Variants in PLB1 observed in about 807,000 individuals in gnomAD.
The protein encoded by PLB1 is phospholipase B1.
Under a neutral mutation model 227.4 loss-of-function variants are expected in PLB1, and 242 were observed. The observed-to-expected ratio is 1.06, with a 90% CI of 0.96 to 1.18. The LOEUF (loss-of-function observed/expected upper bound fraction) is 1.18. Ranked by LOEUF, PLB1 falls within the 50% of genes most tolerant of loss-of-function variation. The pLI, the probability that PLB1 is intolerant of heterozygous loss-of-function variation, is 0.00. For missense variants in PLB1, 1,858 were observed against 1,816.3 expected (o/e 1.02, Z -0.42); for synonymous variants, 757 against 682.2 (o/e 1.11, Z -1.71).
Position 28,556,312 on chromosome 2 carries a change from G to A in PLB1, c.1147+3321G>A, listed in dbSNP as rs141617552. ...ACAGGCCATGGCCCTGGCAACTTGG[G>A]TGCCTCATTCTGAGTACACTTCAGA... On this transcript the variant is annotated intron_variant, in intron 17 of 57. Transcript: ENST00000327757. 6.0e-3 allele frequency among the ~76,000 whole-genome samples: 921 copies of A among 152,260 alleles called. 17 individuals carry two copies. The highest frequency in any genetic ancestry group is 0.014 in the Middle Eastern group (4 of 294).
chr2:28,620,222 C>A, intron 46 of PLB1, 43 bp from the exon 47 acceptor site: 1 of 1,448,694 alleles, frequency 6.9e-7, no homozygotes, highest in Non-Finnish European at 9.4e-7. Context: ...CCAGTGCCCT[C>A]AGCCTATACC....
At chr2:28,593,787 C>T (rs758534436) in intron 33 of PLB1, 33 bp downstream of exon 33, 27 of 1,574,972 alleles carry the variant, frequency 1.7e-5, no homozygotes, top group South Asian at 2.2e-5. Context: ...CCCAGCGTTC[C>T]CCCCACAACA....
chr2:28,600,678 T>C, intron 35 of PLB1, 131 bp from the exon 36 acceptor site: 1 of 792,330 alleles, frequency 1.3e-6, no homozygotes, highest in Non-Finnish European at 2.1e-6. Flanking sequence ...ACTCCTGGTT[T>C]CTGAGCCTCG....
rs1688489140 is a variant in PLB1 at position 28,630,663 on chromosome 2, A to G, written c.3896A>G (p.Gln1299Arg). ...QELKKVNWNL[Q>R]HGISSFSYWH... ...CTGAAGAAAGTGAACTGGAACCTCC[A>G]GGTAAGCCCTGCAGCCCTTCTCTTA... The change falls in exon 54 of 58, where the codon CAG (glutamine) becomes CGG (arginine). Residue 1299 changes from glutamine to arginine, a missense_variant and splice_region_variant. Coordinates refer to ENST00000327757, the MANE Select transcript of PLB1 (RefSeq NM_153021.5). The G allele has an allele frequency of 1.2e-6, 2 of 1,610,632 alleles. No individual in the cohort carries two copies. Among genetic ancestry groups the G allele is most frequent in the Non-Finnish European group, 1.7e-6 (2 of 1,178,372 alleles).
chr2:28,540,325 C>T (rs1165600080), intron 11 of PLB1, 41 bp from the exon 12 acceptor site: 2 of 1,574,010 alleles, frequency 1.3e-6, no homozygotes, highest in African/African-American at 1.3e-5. Context: ...CCTGCCCACA[C>T]TGCCTCCCCT....
At chr2:28,523,964 C>T (rs1273117178) in intron 4 of PLB1, among the ~76,000 whole-genome samples, 1 of 152,190 alleles carries the variant, frequency 6.6e-6, no homozygotes, top group African/African-American at 2.4e-5. Flanking sequence ...TGACTTGTAT[C>T]TTAGTGTGAT....
chr2:28,538,540 G>T (rs1672022467), intron 10 of PLB1, among the ~76,000 whole-genome samples, 159 bp downstream of exon 10: 1 of 152,150 alleles, frequency 6.6e-6, no homozygotes, highest in South Asian at 2.1e-4. Context: ...TTTCAAATGA[G>T]AACATGGGCC....
intron 34 of PLB1, 67 bp from the exon 35 acceptor site, chr2:28,598,585 A>T: frequency 7.8e-7 from 1 of 1,280,258 alleles, no homozygotes; most frequent in Non-Finnish European, 1.1e-6. Flanking sequence ...TAGGTCCCAC[A>T]GTACCAGAGA....
chr2:28,593,242 A>G (rs549623935), intron 32 of PLB1, among the ~76,000 whole-genome samples: 24 of 152,324 alleles, frequency 1.6e-4, no homozygotes, highest in Non-Finnish European at 2.6e-4. Flanking sequence ...AATGCCCCAG[A>G]GGGAAAGAGG....
chr2:28,638,599 C>T (rs1054551586), intron 56 of PLB1, among the ~76,000 whole-genome samples: 2 of 151,700 alleles, frequency 1.3e-5, no homozygotes, highest in East Asian at 1.9e-4. Context: ...GAGACGCTGT[C>T]GTGGGCTGGC....
intron 10 of PLB1, among the ~76,000 whole-genome samples, chr2:28,538,719 T>C (rs759758602): frequency 1.3e-4 from 20 of 152,128 alleles, no homozygotes; most frequent in Middle Eastern, 3.2e-3. Context: ...TCAGTGACCG[T>C]GATGCTGCTG....
At chr2:28,564,528 A>G (rs1232828704) in intron 18 of PLB1, among the ~76,000 whole-genome samples, 7 of 152,140 alleles carry the variant, frequency 4.6e-5, no homozygotes, top group Admixed American at 2.0e-4. Flanking sequence ...ACCTGCTCCC[A>G]ATTCCCTGGT....
At chr2:28,586,421 C>T (rs116697213) in intron 26 of PLB1, among the ~76,000 whole-genome samples, 96 of 152,354 alleles carry the variant, frequency 6.3e-4, no homozygotes, top group African/African-American at 2.2e-3. Flanking sequence ...TCTACCACAT[C>T]TTTGACCAGA....
rs771968293 is a variant in PLB1 at position 28,582,435 on chromosome 2, GT to G, written c.1664del (p.Val555GlyfsTer7). On this transcript the variant is annotated frameshift_variant, in exon 25 of 58. Transcript: ENST00000327757. LOFTEE classifies it high-confidence loss of function. ...TCGGGCATTTGTGAACCTGGTGACG[GT>G]GCTTGAGATCGTCAACCTGAGGGAG... ...VPRAFVNLVT[V>X]LEIVNLRELY... 13 of 1,613,272 alleles carry G rather than the reference GT, an allele frequency of 8.1e-6. No individual in the cohort carries two copies. The Admixed American group carries it at 2.2e-4, about 27-fold the overall frequency.
rs761909639 is a variant in PLB1, at chr2:28,565,321, C to T, written c.1248C>T (p.Asp416=). ...GGTCCACACCTGGGAACGTCTTGGACGTCTTGACTCAGTACCGAGGCCTGT... is the reference window on the plus strand; with the variant it reads ...GGTCCACACCTGGGAACGTCTTGGATGTCTTGACTCAGTACCGAGGCCTGT... ...GAGSTPGNVL[D]VLTQYRGLSW... is the part of the protein sequence containing the mutation. The change falls in exon 19 of 58, where the codon GAC becomes GAT. Residue 416 remains aspartate (D), a synonymous_variant. Coordinates refer to ENST00000327757, the MANE Select transcript of PLB1 (RefSeq NM_153021.5). 11 of 1,611,436 alleles carry T rather than the reference C, an allele frequency of 6.8e-6. No individual in the cohort carries two copies. Among genetic ancestry groups the T allele is most frequent in the Admixed American group, 5.0e-5 (3 of 59,720 alleles).
intron 16 of PLB1, 102 bp from the exon 17 acceptor site, chr2:28,552,826 C>G: frequency 1.1e-6 from 1 of 926,298 alleles, no homozygotes; most frequent in Non-Finnish European, 1.8e-6. Flanking sequence ...CAAAGTTTTA[C>G]TTTATCTTAA....
In PLB1 at chr2:28,554,489, C is replaced by CTTTTTTTTTTTTTTTTTTTTTTTTTTTTT. The variant is rs536476788; in HGVS notation, c.1147+1499_1147+1527dup. ...CTACAGGCATTATCACCACACCTGC[C>CTTTTTTTTTTTTTTTTTTTTTTTTTTTTT]TTTTTTTTTTTTTTTTTTTTTTTTT... On this transcript the variant is annotated intron_variant, in intron 17 of 57. Transcript: ENST00000327757. Among the ~76,000 whole-genome samples the CTTTTTTTTTTTTTTTTTTTTTTTTTTTTT allele has an allele frequency of 5.9e-5, 5 of 85,462 alleles. 1 individual carries two copies. Among genetic ancestry groups the CTTTTTTTTTTTTTTTTTTTTTTTTTTTTT allele is most frequent in the Non-Finnish European group, 8.4e-5 (4 of 47,844 alleles). 56.1% of individuals were successfully genotyped at this position (85,462 alleles called of 152,430 possible). A position where few individuals can be genotyped will look rare whatever the true frequency, so the allele number is the denominator to read the frequency against.
In PLB1 at chr2:28,543,177, A is replaced by G. The variant is rs367699503; in HGVS notation, c.880-35A>G. The G allele has an allele frequency of 1.4e-5, 22 of 1,585,676 alleles. No homozygotes were observed. In the African/African-American group the frequency reaches 1.9e-4, roughly 14 times the overall value. ...GCAGGTCCGTTGCATTCCTGGGGAG[A>G]CAAAAGGTCCCGCTGTCAACTGGTT... On this transcript the variant is annotated intron_variant, in intron 13 of 57. Coordinates refer to ENST00000327757, the MANE Select transcript of PLB1 (RefSeq NM_153021.5).
intron 42 of PLB1, 70 bp downstream of exon 42, chr2:28,606,018 T>C (rs1684627556): frequency 7.8e-7 from 1 of 1,278,034 alleles, no homozygotes; most frequent in Admixed American, 1.9e-5. Context: ...CCCTATAGAA[T>C]GGAGTCTTGC....
Sources: gnomAD v4.1 joint callset for allele counts (sites outside exome capture counted in the v4.1 genomes callset) on GRCh38, gnomAD v4.1.1 for gene constraint, MANE v1.5 for transcripts, NCBI Gene and HGNC (gene_info 2026-07-23, HGNC 2026-07-21) for gene names.